The following POLA2 variants were observed in gnomAD, a reference collection of about 807,000 sequenced individuals.
The protein encoded by POLA2 is DNA polymerase alpha subunit B.
Under a neutral mutation model 82.8 loss-of-function variants are expected in POLA2, and 47 were observed. The ratio of observed to expected loss-of-function variants is 0.57; its 90% confidence interval spans 0.45 to 0.72. The LOEUF is 0.72. POLA2 is among the 30% of genes least tolerant of loss of function. The probability of loss-of-function intolerance (pLI) is 0.00; values close to 1 mark genes in which losing one functional copy is unlikely to be tolerated. For missense variants in POLA2, 634 were observed against 728.1 expected (o/e 0.87, Z 1.49); for synonymous variants, 287 against 286.8 (o/e 1.00, Z -0.01).
Position 65,268,722 on chromosome 11 carries a change from C to T in POLA2, c.347C>T (p.Pro116Leu). 1 of 1,580,042 alleles carries T rather than the reference C, an allele frequency of 6.3e-7. No individual in the cohort carries two copies. The highest frequency in any genetic ancestry group is 8.6e-7 in the Non-Finnish European group (1 of 1,161,778). ...ATCCTCTTGAACTCTTACACCACAC[C>T]TTCAAAGGTAAGTAAACAGTGTTTG... ...EEILLNSYTTPSKGSQKRAIS... is the reference protein window; with the variant it reads ...EEILLNSYTTLSKGSQKRAIS... The change falls in exon 4 of 18, where the codon CCT becomes CTT. Residue 116 changes from proline (P) to leucine (L), a missense_variant. Coordinates refer to ENST00000265465, the MANE Select transcript of POLA2 (RefSeq NM_002689.4).
chr11:65,273,021 A>G (rs1049848940), intron 4 of POLA2, among the ~76,000 whole-genome samples: 1 of 150,756 alleles, frequency 6.6e-6, no homozygotes, highest in Non-Finnish European at 1.5e-5. Flanking sequence ...CAAAAAAAAA[A>G]AAGAAAAGAT....
intron 10 of POLA2, 80 bp downstream of exon 10, chr11:65,282,601 A>T (rs1180132822): frequency 8.6e-7 from 1 of 1,163,140 alleles, no homozygotes; most frequent in East Asian, 2.3e-5. Flanking sequence ...CCCAAGCCCA[A>T]GAAAGCTGCA....
Position 65,298,479 on chromosome 11 carries a change from A to G in POLA2, c.*1210A>G, listed in dbSNP as rs1460472833. On this transcript the variant is annotated 3_prime_UTR_variant, in exon 18 of 18. Transcript: ENST00000265465. The stretch of plus-strand genomic sequence containing the variant: ...AAGCTGGCAGGCTGTCCTGCCTCAC[A>G]TGCCAGAGCCAAGACCGGCAAACCC... 1.3e-5 allele frequency: 2 copies of G among 152,268 alleles called. No homozygotes were observed. The highest frequency in any genetic ancestry group is 2.9e-5 in the Non-Finnish European group (2 of 68,076). The allele number at this position is 152,268 out of a possible 1,614,324, so 9.4% of individuals were successfully genotyped here. A position where few individuals can be genotyped will look rare whatever the true frequency, so the allele number is the denominator to read the frequency against.
At chr11:65,279,512 A>G (rs1356745472) in intron 6 of POLA2, 26 bp from the exon 7 acceptor site, 1 of 1,365,266 alleles carries the variant, frequency 7.3e-7, no homozygotes, top group East Asian at 2.3e-5. Context: ...TAAACATAAT[A>G]CTTTTTTCCA....
chr11:65,297,277 G>A lies in POLA2; in HGVS notation c.*8G>A. On this transcript the variant is annotated 3_prime_UTR_variant, in exon 18 of 18. Transcript: ENST00000265465. The stretch of plus-strand genomic sequence containing the variant: ...CAGGTCGTCAGGATCTGAGGCTTCT[G>A]TCCTCTGCTGTTCTCTGCTGTGTGG... The A allele has an allele frequency of 6.3e-7, 1 of 1,596,350 alleles. No homozygotes were observed. The highest frequency in any genetic ancestry group is 8.5e-7 in the Non-Finnish European group (1 of 1,171,444).
intron 13 of POLA2, among the ~76,000 whole-genome samples, chr11:65,292,124 A>G (rs1228537682): frequency 2.6e-5 from 4 of 152,190 alleles, no homozygotes; most frequent in Non-Finnish European, 5.9e-5. Context: ...TTGTAGTCTC[A>G]GCTACTCGGG....
intron 10 of POLA2, among the ~76,000 whole-genome samples, chr11:65,283,451 A>C (rs1196479694): frequency 6.6e-6 from 1 of 152,100 alleles, no homozygotes; most frequent in Non-Finnish European, 1.5e-5. Flanking sequence ...AATTTGTTCT[A>C]AAGTGAAAAC....
At chr11:65,288,670 C>A (rs1013183866) in intron 11 of POLA2, among the ~76,000 whole-genome samples, 2 of 152,100 alleles carry the variant, frequency 1.3e-5, no homozygotes, top group Non-Finnish European at 2.9e-5. Context: ...AGGCACACGC[C>A]ACCATGCCCA....
chr11:65,301,727 A>T (rs938809166), downstream of POLA2, among the ~76,000 whole-genome samples: 9 of 152,132 alleles, frequency 5.9e-5, no homozygotes, highest in African/African-American at 2.2e-4. Context: ...GGGAAGAGGG[A>T]TGGCAACAGA....
At chr11:65,284,960 A>G (rs1175457911) in intron 10 of POLA2, among the ~76,000 whole-genome samples, 3 of 152,164 alleles carry the variant, frequency 2.0e-5, no homozygotes, top group Non-Finnish European at 4.4e-5. Flanking sequence ...TAGAATCAGG[A>G]GTGAAATTTA....
chr11:65,298,845 C>A (rs1046498464), downstream of POLA2, among the ~76,000 whole-genome samples: 4 of 152,200 alleles, frequency 2.6e-5, no homozygotes, highest in Non-Finnish European at 5.9e-5. Flanking sequence ...GACTTGTCAG[C>A]CTCCGGATGT....
intron 7 of POLA2, 188 bp downstream of exon 7, chr11:65,279,814 G>A: frequency 3.7e-6 from 2 of 540,614 alleles, no homozygotes; most frequent in Non-Finnish European, 6.5e-6. Flanking sequence ...TTTGTGGCCA[G>A]AGAGTGATTT....
At chr11:65,286,610 G>T (rs1328148993) in intron 10 of POLA2, among the ~76,000 whole-genome samples, 1 of 151,964 alleles carries the variant, frequency 6.6e-6, no homozygotes, top group Non-Finnish European at 1.5e-5. Context: ...GGCTGGTCTC[G>T]ACCTCCTGAG....
chr11:65,263,818 ACT>A (rs1316590982), intron 1 of POLA2, among the ~76,000 whole-genome samples: 2 of 150,774 alleles, frequency 1.3e-5, no homozygotes, highest in African/African-American at 4.9e-5. Context: ...CAGGAGCGAG[ACT>A]CTGTCTCAAA....
chr11:65,273,935 A>G (rs1949548639), intron 4 of POLA2, among the ~76,000 whole-genome samples: 1 of 152,214 alleles, frequency 6.6e-6, no homozygotes, highest in Admixed American at 6.5e-5. Context: ...TTAATTTAAA[A>G]TCTTAATTTG....
Position 65,287,796 on chromosome 11 carries a change from C to G in POLA2, c.1087C>G (p.Leu363Val). 3 of 1,613,996 alleles carry G rather than the reference C, an allele frequency of 1.9e-6. No homozygotes were observed. The highest frequency in any genetic ancestry group is 2.5e-6 in the Non-Finnish European group (3 of 1,179,976). ...DSITYDPLLD[L>V]IAVINHDRPD... ...CATCACGTATGACCCCCTGCTTGACCTGATTGCTGTCATCAACCATGACCG... is the reference window on the plus strand; with the variant it reads ...CATCACGTATGACCCCCTGCTTGACGTGATTGCTGTCATCAACCATGACCG... Residue 363 changes from leucine to valine, a missense_variant, in exon 11 of 18, where the codon CTG (leucine) becomes GTG (valine). By Grantham distance (32) the Leu-to-Val change is conservative (BLOSUM62 1). Coordinates refer to ENST00000265465, the MANE Select transcript of POLA2 (RefSeq NM_002689.4).
chr11:65,296,087 A>T (rs763252261), intron 17 of POLA2, 97 bp downstream of exon 17: 100 of 1,319,744 alleles, frequency 7.6e-5, no homozygotes, highest in Non-Finnish European at 8.0e-5. Flanking sequence ...GGGTCAGCTG[A>T]TGGGGATGGG....
At chr11:65,268,917 G>A (rs1008324241) in intron 4 of POLA2, among the ~76,000 whole-genome samples, 188 bp downstream of exon 4, 2 of 152,062 alleles carry the variant, frequency 1.3e-5, no homozygotes, top group Admixed American at 6.6e-5. Context: ...TAAACATATA[G>A]TTATCCTGCT....
At chr11:65,285,590 AG>A (rs1291777936) in intron 10 of POLA2, among the ~76,000 whole-genome samples, 1 of 151,248 alleles carries the variant, frequency 6.6e-6, no homozygotes, top group Non-Finnish European at 1.5e-5. Flanking sequence ...AAAAAAAAAA[AG>A]AAAAAGAAAA....
Sources: gnomAD v4.1 joint callset for allele counts (sites outside exome capture counted in the v4.1 genomes callset) on GRCh38, gnomAD v4.1.1 for gene constraint, MANE v1.5 for transcripts, NCBI Gene and HGNC (gene_info 2026-07-23, HGNC 2026-07-21) for gene names.